Variants in ARHGAP44 observed in about 807,000 individuals in gnomAD.
The protein encoded by ARHGAP44 is Rho GTPase activating protein 44, also known as rho GTPase-activating protein 44.
ARHGAP44 carries 43 observed loss-of-function variants against 106.8 expected under a neutral mutation model. That is an observed-to-expected ratio of 0.40 (90% confidence interval 0.32 to 0.52). ARHGAP44 has a LOEUF of 0.52. Ranked by LOEUF, ARHGAP44 falls within the 20% of genes least tolerant of loss-of-function variation. The probability of loss-of-function intolerance (pLI) is 0.48; values close to 1 mark genes in which losing one functional copy is unlikely to be tolerated. For missense variants in ARHGAP44, 866 were observed against 1,050.5 expected, an observed-to-expected ratio of 0.82 and a Z score of 2.43; for synonymous variants, 439 against 410.3, an observed-to-expected ratio of 1.07 and a Z score of -0.85.
intron 8 of ARHGAP44, among the ~76,000 whole-genome samples, chr17:12,943,376 T>C (rs2038756436): frequency 6.6e-6 from 1 of 152,194 alleles, no homozygotes; most frequent in Non-Finnish European, 1.5e-5. Context: ...CCTGTCTGGT[T>C]CTCCTGCTTC....
chr17:12,988,693 T>TAG (rs2040019003), intron 20 of ARHGAP44: 1 of 152,148 alleles, frequency 6.6e-6, no homozygotes, highest in Non-Finnish European at 1.5e-5. Flanking sequence ...TCTGTACACT[T>TAG]AGTATGGTAT....
intron 6 of ARHGAP44, among the ~76,000 whole-genome samples, chr17:12,923,875 G>A (rs1025821746): frequency 1.3e-5 from 2 of 152,144 alleles, no homozygotes; most frequent in Non-Finnish European, 2.9e-5. Flanking sequence ...AAGACCAAAT[G>A]CTGTGCTATT....
chr17:12,819,093 T>C (rs2034685425), intron 1 of ARHGAP44, among the ~76,000 whole-genome samples: 1 of 152,020 alleles, frequency 6.6e-6, no homozygotes, highest in African/African-American at 2.4e-5. Context: ...CTCAGCAGAC[T>C]AGAGAGTCCA....
intron 1 of ARHGAP44, among the ~76,000 whole-genome samples, chr17:12,876,094 A>G (rs991166534): frequency 1.3e-5 from 2 of 152,196 alleles, no homozygotes; most frequent in African/African-American, 4.8e-5. Flanking sequence ...TTCAAAATCA[A>G]CCAATCCATA....
At chr17:12,795,147 C>T (rs983283812) in intron 1 of ARHGAP44, among the ~76,000 whole-genome samples, 9 of 152,364 alleles carry the variant, frequency 5.9e-5, no homozygotes, top group African/African-American at 2.2e-4. Context: ...GACCCAAACT[C>T]GTCCCCCAAA....
chr17:12,928,774 TG>T (rs1372085579), intron 6 of ARHGAP44, among the ~76,000 whole-genome samples, 154 bp from the exon 7 acceptor site: 3 of 152,214 alleles, frequency 2.0e-5, no homozygotes, highest in South Asian at 2.1e-4. Flanking sequence ...ACTGTCTCCT[TG>T]CCTAGTCCTT....
intron 15 of ARHGAP44, 127 bp downstream of exon 15, chr17:12,956,873 AC>A: frequency 4.7e-6 from 2 of 423,626 alleles, no homozygotes; most frequent in Non-Finnish European, 8.0e-6. Flanking sequence ...ATAAACACAC[AC>A]ACACACACAC....
At chr17:12,856,276 A>G (rs2035909635) in intron 1 of ARHGAP44, among the ~76,000 whole-genome samples, 1 of 152,088 alleles carries the variant, frequency 6.6e-6, no homozygotes, top group African/African-American at 2.4e-5. Context: ...TAAACTGTGC[A>G]TCCTACCTTG....
At chr17:12,980,388 G>A (rs1257694996) in intron 19 of ARHGAP44, among the ~76,000 whole-genome samples, 155 bp downstream of exon 19, 1 of 152,208 alleles carries the variant, frequency 6.6e-6, no homozygotes, top group Non-Finnish European at 1.5e-5. Flanking sequence ...AGTTAAAAGG[G>A]ATCCTTTCTC....
rs572721628 is a variant in ARHGAP44 at position 12,991,573 on chromosome 17, T to C, written c.*1402T>C. ...CTGGGGTAAGGGTGGGGGTTGAAAG[T>C]TGTTATCTTTAAATACATGTACAAA... On this transcript the variant is annotated 3_prime_UTR_variant, in exon 21 of 21. Coordinates refer to ENST00000379672, the MANE Select transcript of ARHGAP44 (RefSeq NM_014859.6). 1 of 178,558 alleles carries C rather than the reference T, an allele frequency of 5.6e-6. No individual in the cohort carries two copies. The highest frequency in any genetic ancestry group is 2.0e-4 in the South Asian group (1 of 5,052). The allele number at this position is 178,558 out of a possible 1,614,324, so 11.1% of individuals were successfully genotyped here.
chr17:12,944,260 C>T lies in ARHGAP44; in HGVS notation c.861+64C>T, dbSNP rs549504621. On this transcript the variant is annotated intron_variant, in intron 10 of 20. Coordinates refer to ENST00000379672, the MANE Select transcript of ARHGAP44 (RefSeq NM_014859.6). Reference sequence around the variant, plus strand: ...CTCCTCTTCCACGAGACAGAGCTTACAGGATCCTCTCTCCTGTACCATCTC... The same window carrying T: ...CTCCTCTTCCACGAGACAGAGCTTATAGGATCCTCTCTCCTGTACCATCTC... 32 of 1,524,176 alleles carry T rather than the reference C, an allele frequency of 2.1e-5. No homozygotes were observed. In the Admixed American group the frequency reaches 3.2e-4, roughly 15 times the overall value. The allele number at this position is 1,524,176 out of a possible 1,614,324, so 94.4% of individuals were successfully genotyped here. A position where few individuals can be genotyped will look rare whatever the true frequency, so the allele number is the denominator to read the frequency against.
At chr17:12,857,841 C>G (rs1043938316) in intron 1 of ARHGAP44, among the ~76,000 whole-genome samples, 5 of 151,516 alleles carry the variant, frequency 3.3e-5, no homozygotes, top group East Asian at 3.9e-4. Context: ...AGGGGACTTG[C>G]AGATTTAGTT....
chr17:12,912,868 G>C (rs7207659), intron 4 of ARHGAP44, among the ~76,000 whole-genome samples: 1 of 152,116 alleles, frequency 6.6e-6, no homozygotes, highest in African/African-American at 2.4e-5. Flanking sequence ...CGTGGCCTCA[G>C]AAATTGACTT....
At chr17:12,896,785 G>A (rs1046333686) in intron 3 of ARHGAP44, among the ~76,000 whole-genome samples, 14 of 152,288 alleles carry the variant, frequency 9.2e-5, no homozygotes, top group African/African-American at 2.2e-4. Context: ...CTGGGAAGAC[G>A]GCAGGGGCGT....
intron 18 of ARHGAP44, among the ~76,000 whole-genome samples, chr17:12,974,899 G>T (rs2039637752): frequency 9.5e-6 from 1 of 105,108 alleles, no homozygotes; most frequent in African/African-American, 4.0e-5. Context: ...GCCCAGGCTG[G>T]AGTGCAGAGG....
chr17:12,918,781 T>G (rs898606929), intron 5 of ARHGAP44, among the ~76,000 whole-genome samples: 5 of 152,168 alleles, frequency 3.3e-5, no homozygotes, highest in African/African-American at 1.2e-4. Context: ...TCCCCACTTT[T>G]GGCCCTTCTG....
chr17:12,789,924 C>G, intron 1 of ARHGAP44, 33 bp downstream of exon 1: 1 of 1,499,458 alleles, frequency 6.7e-7, no homozygotes, highest in Non-Finnish European at 8.9e-7. Context: ...TGTCGGTGCG[C>G]GCCCGCGAGG....
chr17:12,978,036 C>CAAAAAAAAAAAAAAAAAAAAAA lies in ARHGAP44; in HGVS notation c.1764-2002_1764-2001insAAAAAAAAAAAAAAAAAAAAAA, dbSNP rs1157325814. On this transcript the variant is annotated intron_variant, in intron 18 of 20. Coordinates refer to ENST00000379672, the MANE Select transcript of ARHGAP44 (RefSeq NM_014859.6). ...TGGGCAACAGAGCAAGACTCCATCTCAAAAAAAAAAAAAAAAAAAAGTGTG... is the reference window on the plus strand; with the variant it reads ...TGGGCAACAGAGCAAGACTCCATCTCAAAAAAAAAAAAAAAAAAAAAAAAAAAAAAAAAAAAAAAAAAGTGTG... Among the ~76,000 whole-genome samples, 7 of 89,296 alleles carry CAAAAAAAAAAAAAAAAAAAAAA rather than the reference C, an allele frequency of 7.8e-5. 1 individual carries two copies. The highest frequency in any genetic ancestry group is 1.9e-4 in the African/African-American group (4 of 21,022). 58.6% of individuals were successfully genotyped at this position (89,296 alleles called of 152,430 possible).
At chr17:12,903,025 T>C (rs2037419366) in intron 3 of ARHGAP44, among the ~76,000 whole-genome samples, 1 of 148,618 alleles carries the variant, frequency 6.7e-6, no homozygotes, top group Admixed American at 6.7e-5. Flanking sequence ...GAAGAGCTGG[T>C]TGCCTGGGGC....
Sources: gnomAD v4.1 joint callset for allele counts (sites outside exome capture counted in the v4.1 genomes callset) on GRCh38, gnomAD v4.1.1 for gene constraint, MANE v1.5 for transcripts, NCBI Gene and HGNC (gene_info 2026-07-23, HGNC 2026-07-21) for gene names.